ARSJ: variants seen among roughly 807,000 people sequenced by gnomAD.
ARSJ encodes the protein arylsulfatase family member J.
A neutral mutation model predicts 35.9 loss-of-function variants in ARSJ; 26 were observed. The ratio of observed to expected loss-of-function variants is 0.72; its 90% CI spans 0.53 to 1.00. The LOEUF (loss-of-function observed/expected upper bound fraction) is 1.00. Ranked by LOEUF, ARSJ falls within the 50% of genes least tolerant of loss-of-function variation. The pLI, the probability that ARSJ is intolerant of heterozygous loss-of-function variation, is 0.00. For missense variants in ARSJ, 667 were observed against 723.6 expected, an observed-to-expected ratio of 0.92 and a Z score of 0.90; for synonymous variants, 294 against 267.6, an observed-to-expected ratio of 1.10 and a Z score of -0.96.
intron 1 of ARSJ, among the ~76,000 whole-genome samples, chr4:113,936,794 A>C (rs1295427039): frequency 6.6e-6 from 1 of 151,904 alleles, no homozygotes; most frequent in Non-Finnish European, 1.5e-5. Context: ...GGAACTCATA[A>C]AAGCAGAATA....
At chr4:113,959,044 A>C (rs1359212991) in intron 1 of ARSJ, among the ~76,000 whole-genome samples, 1 of 152,070 alleles carries the variant, frequency 6.6e-6, no homozygotes, top group Non-Finnish European at 1.5e-5. Flanking sequence ...GAAGATAAAA[A>C]TGATGACTTT....
intron 1 of ARSJ, among the ~76,000 whole-genome samples, chr4:113,969,347 A>T (rs979465331): frequency 2.1e-5 from 3 of 141,258 alleles, no homozygotes; most frequent in Non-Finnish European, 4.7e-5. Flanking sequence ...ATTAAAACAC[A>T]TGGGGTTTAA....
intron 1 of ARSJ, among the ~76,000 whole-genome samples, chr4:113,967,756 G>T (rs1267790648): frequency 6.6e-6 from 1 of 152,098 alleles, no homozygotes; most frequent in Non-Finnish European, 1.5e-5. Flanking sequence ...TATTTCAGTT[G>T]ATGAGCAATG....
At chr4:113,937,033 A>G (rs989914122) in intron 1 of ARSJ, among the ~76,000 whole-genome samples, 2 of 152,060 alleles carry the variant, frequency 1.3e-5, no homozygotes, top group Admixed American at 1.3e-4. Flanking sequence ...GTTAACCAAC[A>G]TAGAAAAGTA....
chr4:113,943,658 T>C (rs1725299888), intron 1 of ARSJ, among the ~76,000 whole-genome samples: 1 of 152,010 alleles, frequency 6.6e-6, no homozygotes, highest in African/African-American at 2.4e-5. Context: ...AGAAGGCAGT[T>C]ACATTAAATT....
chr4:113,919,202 T>C lies in ARSJ; in HGVS notation c.399-15527A>G, dbSNP rs1017214741. Among the ~76,000 whole-genome samples the C allele has an allele frequency of 5.3e-5, 8 of 152,160 alleles. No homozygotes were observed. In the East Asian group the frequency reaches 7.7e-4, roughly 15 times the overall value. ...GATTCAGCTGAGACCAAGGGCTCAG[T>C]TGCAGAAAGAAGTGACCACGAGGCT... On this transcript the variant is annotated intron_variant, in intron 1 of 1. Coordinates refer to ENST00000315366, the MANE Select transcript of ARSJ (RefSeq NM_024590.4).
chr4:113,945,202 G>T (rs1027387827), intron 1 of ARSJ, among the ~76,000 whole-genome samples: 1 of 151,976 alleles, frequency 6.6e-6, no homozygotes, highest in Non-Finnish European at 1.5e-5. Flanking sequence ...GAGTGCAATG[G>T]TGAAATCACA....
At chr4:113,920,023 C>A (rs1723567592) in intron 1 of ARSJ, among the ~76,000 whole-genome samples, 2 of 151,852 alleles carry the variant, frequency 1.3e-5, no homozygotes, top group Non-Finnish European at 2.9e-5. Context: ...GTATTGTATA[C>A]CATGCTGTCT....
intron 1 of ARSJ, among the ~76,000 whole-genome samples, chr4:113,936,056 T>C (rs937044017): frequency 9.9e-5 from 15 of 151,992 alleles, no homozygotes; most frequent in African/African-American, 3.6e-4. Context: ...CATACTATTG[T>C]TACTTGCCCC....
chr4:113,913,725 A>G (rs1006748265), intron 1 of ARSJ, among the ~76,000 whole-genome samples: 1 of 152,176 alleles, frequency 6.6e-6, no homozygotes, highest in African/African-American at 2.4e-5. Context: ...TTTCAATATG[A>G]CTACAGAATA....
At chr4:113,909,321 A>T (rs1476606068) in intron 1 of ARSJ, among the ~76,000 whole-genome samples, 8 of 152,194 alleles carry the variant, frequency 5.3e-5, no homozygotes, top group Admixed American at 3.3e-4. Context: ...GAAAATAAAC[A>T]AACAAAAAAA....
Position 113,902,459 on chromosome 4 carries a change from C to CT in ARSJ, c.1614dup (p.Asp539ArgfsTer5). 1 of 1,614,010 alleles carries CT rather than the reference C, an allele frequency of 6.2e-7. No homozygotes were observed. Among genetic ancestry groups the CT allele is most frequent in the Non-Finnish European group, 8.5e-7 (1 of 1,180,012 alleles). ...TTGAGCCTAGGGTTACTTCTGGGGT[C>CT]TTTGGGGGGATACCTGACCGGCACT... On this transcript the variant is annotated frameshift_variant, in exon 2 of 2. Coordinates refer to ENST00000315366, the MANE Select transcript of ARSJ (RefSeq NM_024590.4). LOFTEE classifies it low-confidence loss of function (END_TRUNC).
intron 1 of ARSJ, among the ~76,000 whole-genome samples, chr4:113,939,325 C>G (rs571239254): frequency 4.5e-4 from 66 of 147,004 alleles, no homozygotes; most frequent in Admixed American, 9.7e-4. Flanking sequence ...GGACATTTGG[C>G]TTGGTTCCAA....
At chr4:113,973,922 G>A (rs534104629) in intron 1 of ARSJ, among the ~76,000 whole-genome samples, 1 of 152,206 alleles carries the variant, frequency 6.6e-6, no homozygotes, top group Admixed American at 6.5e-5. Flanking sequence ...AGAGAACATA[G>A]CATTGACACA....
chr4:113,968,814 G>A (rs13435552), intron 1 of ARSJ, among the ~76,000 whole-genome samples: 5,184 of 152,128 alleles, frequency 0.034, 273 homozygotes, highest in African/African-American at 0.11. Context: ...GACTATTGTA[G>A]GAATTTTACT....
At chr4:113,934,585 G>T (rs1562353276) in intron 1 of ARSJ, among the ~76,000 whole-genome samples, 1 of 151,712 alleles carries the variant, frequency 6.6e-6, no homozygotes, top group Non-Finnish European at 1.5e-5. Context: ...GATCAGTAAG[G>T]TGACTATGGT....
At chr4:113,972,307 C>A (rs4834369) in intron 1 of ARSJ, among the ~76,000 whole-genome samples, 72,413 of 95,766 alleles carry the variant, frequency 0.76, 24,998 homozygotes, top group South Asian at 0.8. Flanking sequence ...AAAAAAAAAA[C>A]AAAAAAAAAA....
chr4:113,974,096 A>C (rs1727446240), intron 1 of ARSJ, among the ~76,000 whole-genome samples: 1 of 152,166 alleles, frequency 6.6e-6, no homozygotes, highest in African/African-American at 2.4e-5. Context: ...ACATGGAAAA[A>C]ATAATCTTGA....
chr4:113,931,754 T>C (rs565605257), intron 1 of ARSJ, among the ~76,000 whole-genome samples: 15 of 151,800 alleles, frequency 9.9e-5, no homozygotes, highest in Non-Finnish European at 1.6e-4. Context: ...TAAAAAATAA[T>C]AAAAACCATT....
Sources: gnomAD v4.1 joint callset for allele counts (sites outside exome capture counted in the v4.1 genomes callset) on GRCh38, gnomAD v4.1.1 for gene constraint, MANE v1.5 for transcripts, NCBI Gene and HGNC (gene_info 2026-07-23, HGNC 2026-07-21) for gene names.